The following IMMT variants were observed in gnomAD, a reference collection of about 807,000 sequenced individuals.
The protein encoded by IMMT is inner membrane mitochondrial protein, also known as MICOS complex subunit MIC60.
IMMT carries 40 observed loss-of-function variants against 92.7 expected under a neutral mutation model. The observed-to-expected ratio is 0.43, with a 90% CI of 0.34 to 0.56. The LOEUF (loss-of-function observed/expected upper bound fraction) is 0.56. Among genes scored for constraint, IMMT ranks in the 20% least tolerant of loss-of-function variants. The pLI is 0.03. For synonymous variants in IMMT, 322 were observed against 336.1 expected (o/e 0.96, Z 0.46); for missense variants, 831 against 912.1 (o/e 0.91, Z 1.14).
At chr2:86,171,127 G>A in intron 5 of IMMT, 81 bp downstream of exon 5, 1 of 1,207,084 alleles carries the variant, frequency 8.3e-7, no homozygotes, top group Non-Finnish European at 1.2e-6. Flanking sequence ...TGTATACTTA[G>A]TGTCTACGTG....
chr2:86,162,330 TAAGGAGAGTTG>T (rs1217035784), intron 7 of IMMT, among the ~76,000 whole-genome samples: 14 of 142,122 alleles, frequency 9.9e-5, no homozygotes, highest in African/African-American at 3.7e-4. Context: ...AAGCATTTTC[TAAGGAGAGTTG>T]TTTTTTTTTT....
intron 3 of IMMT, among the ~76,000 whole-genome samples, chr2:86,177,234 T>A (rs1306623468): frequency 7.0e-6 from 1 of 143,636 alleles, no homozygotes; most frequent in Non-Finnish European, 1.5e-5. Context: ...CAAAAATCCA[T>A]GCTCTTTTAC....
At chr2:86,158,854 A>G in intron 9 of IMMT, 133 bp from the exon 10 acceptor site, 2 of 733,224 alleles carry the variant, frequency 2.7e-6, no homozygotes, top group Non-Finnish European at 4.4e-6. Context: ...GCTCAGAAAT[A>G]GAATATAAGC....
intron 1 of IMMT, 70 bp from the exon 2 acceptor site, chr2:86,181,442 C>A (rs1025531297): frequency 4.0e-6 from 4 of 1,006,730 alleles, no homozygotes; most frequent in Non-Finnish European, 6.1e-6. Context: ...GTTGGTAATA[C>A]AGAAATAATA....
chr2:86,149,812 A>G (rs1201688437), intron 12 of IMMT, among the ~76,000 whole-genome samples: 1 of 151,392 alleles, frequency 6.6e-6, no homozygotes, highest in Non-Finnish European at 1.5e-5. Context: ...CCTGGGAGGC[A>G]GAGGTTGCAA....
At chr2:86,168,687 G>GA (rs1216390216) in intron 6 of IMMT, among the ~76,000 whole-genome samples, 1 of 152,002 alleles carries the variant, frequency 6.6e-6, no homozygotes, top group African/African-American at 2.4e-5. Flanking sequence ...TGACAAGCGA[G>GA]AAAAAAAGAT....
At chr2:86,192,172 G>A (rs1211661474) in intron 1 of IMMT, among the ~76,000 whole-genome samples, 2 of 152,166 alleles carry the variant, frequency 1.3e-5, no homozygotes, top group Admixed American at 6.5e-5. Flanking sequence ...GATTGAGACT[G>A]CAATGAGTTA....
chr2:86,189,241 CT>C (rs201935180), intron 1 of IMMT, among the ~76,000 whole-genome samples: 41 of 146,378 alleles, frequency 2.8e-4, no homozygotes, highest in Non-Finnish European at 2.4e-4. Flanking sequence ...ATGTAATGTT[CT>C]TTTTTTTTTT....
chr2:86,190,068 G>A (rs1387985549), intron 1 of IMMT, among the ~76,000 whole-genome samples: 6 of 152,114 alleles, frequency 3.9e-5, no homozygotes. Context: ...TTATCACTTC[G>A]GTGTAGTAAG....
rs554663941 is a variant in IMMT, at chr2:86,173,926, T to C, written c.310-165A>G. Among the ~76,000 whole-genome samples, 7 of 152,296 alleles carry C rather than the reference T, an allele frequency of 4.6e-5. No homozygotes were observed. In the South Asian group the frequency reaches 1.4e-3, roughly 32 times the overall value. On this transcript the variant is annotated intron_variant, in intron 3 of 14. Transcript: ENST00000410111. The stretch of plus-strand genomic sequence containing the variant: ...TAAACATAGTTGAGAGAAACCACCA[T>C]TACTAGAAAAGTGCAGTTCAAAAAT...
intron 3 of IMMT, among the ~76,000 whole-genome samples, chr2:86,177,605 GA>G (rs1185082314): frequency 2.2e-5 from 3 of 135,322 alleles, no homozygotes; most frequent in Non-Finnish European, 3.2e-5. Flanking sequence ...TGTCTCAAAA[GA>G]AAAAAAAAAG....
chr2:86,191,644 C>T (rs141258610), intron 1 of IMMT, among the ~76,000 whole-genome samples: 4,317 of 151,728 alleles, frequency 0.028, 102 homozygotes, highest in East Asian at 0.1. Flanking sequence ...TGGCTCACGC[C>T]TGTAATCCCA....
chr2:86,159,143 T>G (rs1461312854), intron 9 of IMMT: 1 of 289,356 alleles, frequency 3.5e-6, no homozygotes, highest in Admixed American at 4.7e-5. Context: ...TAGAGTGCAG[T>G]GGCACCATCT....
chr2:86,173,531 G>C (rs1194552824), intron 4 of IMMT, 119 bp downstream of exon 4: 6 of 649,422 alleles, frequency 9.2e-6, no homozygotes, highest in Non-Finnish European at 1.6e-5. Context: ...GGTGAGCCGA[G>C]ATTGTGCCAC....
intron 9 of IMMT, among the ~76,000 whole-genome samples, chr2:86,159,093 T>C (rs1473143116): frequency 1.5e-5 from 2 of 129,092 alleles, no homozygotes; most frequent in African/African-American, 5.8e-5. Context: ...AAAAAAAAAA[T>C]TTTTTTTTTT....
chr2:86,194,877 AACCTTG>A (rs1397898611), intron 1 of IMMT: 1 of 175,110 alleles, frequency 5.7e-6, no homozygotes, highest in Non-Finnish European at 1.4e-5. Context: ...AGATAATTAC[AACCTTG>A]ACCCCTAAAA....
chr2:86,144,916 CT>C, intron 14 of IMMT, 35 bp from the exon 15 acceptor site: 4 of 1,551,386 alleles, frequency 2.6e-6, no homozygotes, highest in Non-Finnish European at 2.6e-6. Flanking sequence ...AAACATTTTT[CT>C]CTCCATCTGA....
chr2:86,145,825 A>G (rs1439366665), intron 14 of IMMT, among the ~76,000 whole-genome samples: 4 of 152,198 alleles, frequency 2.6e-5, no homozygotes, highest in Non-Finnish European at 5.9e-5. Flanking sequence ...CACATGCGAC[A>G]TAGCCAAAGG....
intron 1 of IMMT, among the ~76,000 whole-genome samples, chr2:86,184,315 C>A (rs1193885150): frequency 6.6e-6 from 1 of 152,050 alleles, no homozygotes; most frequent in Admixed American, 6.6e-5. Context: ...GGACTACAGG[C>A]ACATGCCCAC....
Sources: gnomAD v4.1 joint callset for allele counts (sites outside exome capture counted in the v4.1 genomes callset) on GRCh38, gnomAD v4.1.1 for gene constraint, MANE v1.5 for transcripts, NCBI Gene and HGNC (gene_info 2026-07-23, HGNC 2026-07-21) for gene names.